Variants in RBM15 observed in about 807,000 individuals in gnomAD.
The protein encoded by RBM15 is RNA-binding protein 15.
In RBM15, 8 loss-of-function variants were observed where a neutral mutation model predicts 62.6. That is an observed-to-expected ratio of 0.13 (90% CI 0.07 to 0.23). RBM15 has a LOEUF of 0.23. RBM15 is among the 10% of genes least tolerant of loss of function. The pLI, the probability that RBM15 is intolerant of heterozygous loss-of-function variation, is 1.00. For synonymous variants in RBM15, 606 were observed against 505.7 expected (o/e 1.20, Z -2.66); for missense variants, 1,144 against 1,286.5 (o/e 0.89, Z 1.69).
Position 110,340,458 on chromosome 1 carries a change from T to G in RBM15, c.1053T>G (p.Ala351=), listed in dbSNP as rs368197518. The G allele has an allele frequency of 3.1e-6, 5 of 1,614,154 alleles. No homozygotes were observed. In the African/African-American group the frequency reaches 4.0e-5, roughly 13 times the overall value. Residue 351 remains alanine (A), a synonymous_variant, in exon 1 of 3, where the codon GCT becomes GCG. Coordinates refer to ENST00000369784, the MANE Select transcript of RBM15 (RefSeq NM_022768.5). This position sits in a 1 kb window ranked among gnomAD's most constrained non-coding sequence, Gnocchi z 5.8. ...PAYSLEPRVG[A]GAGAAPFREV... ...ACAGTCTTGAGCCAAGGGTGGGAGC[T>G]GGAGCAGGTGCTGCTCCTTTCAGAG...
Position 110,340,678 on chromosome 1 carries a change from G to C in RBM15, c.1273G>C (p.Asp425His). Residue 425 changes from aspartate to histidine, a missense_variant, in exon 1 of 3, where the codon GAT (aspartate) becomes CAT (histidine). This residue lies in a region of RBM15 where 105 missense variants were observed against 193.6 expected (regional missense o/e 0.54). Coordinates refer to ENST00000369784, the MANE Select transcript of RBM15 (RefSeq NM_022768.5). This position sits in a 1 kb window ranked among gnomAD's most constrained non-coding sequence, Gnocchi z 5.8. ...CGGCTTTCTCAAATTTGAGAACTTA[G>C]ATATGTCTCACCGGGCCAAATTAGC... ...TYGFLKFENL[D>H]MSHRAKLAMS... is the part of the protein sequence containing the mutation. 1 of 1,614,196 alleles carries C rather than the reference G, an allele frequency of 6.2e-7. No individual in the cohort carries two copies.
chr1:110,341,696 A>C lies in RBM15; in HGVS notation c.2291A>C (p.Lys764Thr). 6.2e-7 allele frequency: 1 copy of C among 1,614,200 alleles called. No homozygotes were observed. Among genetic ancestry groups the C allele is most frequent in the Non-Finnish European group, 8.5e-7 (1 of 1,180,032 alleles). ...PSTSTASSKLKSPSQKQDGGT... is the reference protein window; with the variant it reads ...PSTSTASSKLTSPSQKQDGGT... ...ACCAGCACTGCTTCCTCCAAGCTGA[A>C]GTCCCCGTCCCAGAAACAGGATGGG... is the stretch of plus-strand genomic sequence containing the variant. The change falls in exon 1 of 3, where the codon AAG becomes ACG. Residue 764 changes from lysine (K) to threonine (T), a missense_variant. Lys to Thr is a moderately conservative substitution (Grantham distance 78). This residue lies in a region of RBM15 where 360 missense variants were observed against 342.9 expected (regional missense o/e 1.05). Transcript: ENST00000369784. This position sits in a 1 kb window ranked among gnomAD's most constrained non-coding sequence, Gnocchi z 4.5.
At chr1:110,346,276 C>CTG (rs1660895437) in intron 2 of RBM15, 32 bp from the exon 3 acceptor site, 2 of 1,591,762 alleles carry the variant, frequency 1.3e-6, no homozygotes. Context: ...AACATTTGTA[C>CTG]TGAATAACCT....
At chr1:110,343,703 G>A (rs1409696583) in intron 1 of RBM15, among the ~76,000 whole-genome samples, 2 of 151,898 alleles carry the variant, frequency 1.3e-5, no homozygotes, top group African/African-American at 2.4e-5. Flanking sequence ...TAAGGCCCTT[G>A]ATATTTAATT....
At chr1:110,343,517 G>GT (rs567393457) in intron 1 of RBM15, among the ~76,000 whole-genome samples, 2,962 of 119,302 alleles carry the variant, frequency 0.025, 57 homozygotes, top group South Asian at 0.093. Flanking sequence ...TAGCCTCACA[G>GT]TTTTTTTTTT....
In RBM15 at chr1:110,341,577, A is replaced by G. The variant is rs745654479; in HGVS notation, c.2172A>G (p.Ser724=). 6.2e-7 allele frequency: 1 copy of G among 1,614,140 alleles called. No homozygotes were observed. Among genetic ancestry groups the G allele is most frequent in the South Asian group, 1.1e-5 (1 of 91,090 alleles). ...AGCGAGACCGTAAAAACTCTGCATCAGCTGAACGAGATAGGAAGCACCGGA... is the reference window on the plus strand; with the variant it reads ...AGCGAGACCGTAAAAACTCTGCATCGGCTGAACGAGATAGGAAGCACCGGA... ...GDKRDRKNSA[S]AERDRKHRTT... The change falls in exon 1 of 3, where the codon TCA becomes TCG. Residue 724 remains serine, a synonymous_variant. Transcript: ENST00000369784. This position sits in a 1 kb window ranked among gnomAD's most constrained non-coding sequence, Gnocchi z 4.5.
In RBM15 at chr1:110,340,552, A is replaced by G; in HGVS notation, c.1147A>G (p.Ile383Val). 6.2e-7 allele frequency: 1 copy of G among 1,614,192 alleles called. No individual in the cohort carries two copies. The highest frequency in any genetic ancestry group is 8.5e-7 in the Non-Finnish European group (1 of 1,180,034). Residue 383 changes from isoleucine to valine, a missense_variant, in exon 1 of 3, where the codon ATC becomes GTC. Transcript: ENST00000369784. The surrounding 1 kb of genome is among the most constrained non-coding windows in gnomAD (Gnocchi z 5.8). ...NRTLFLGNLD[I>V]TVTESDLRRA... ...GACGCTCTTCTTGGGCAACCTAGAC[A>G]TCACTGTAACGGAGAGTGATTTAAG... is the stretch of plus-strand genomic sequence containing the variant.
rs1018995022 is a variant in RBM15 at position 110,341,318 on chromosome 1, A to G, written c.1913A>G (p.Gln638Arg). Residue 638 changes from glutamine to arginine, a missense_variant, in exon 1 of 3, where the codon CAG becomes CGG. This residue lies in a region of RBM15 where 360 missense variants were observed against 342.9 expected (regional missense o/e 1.05). Coordinates refer to ENST00000369784, the MANE Select transcript of RBM15 (RefSeq NM_022768.5). This position sits in a 1 kb window ranked among gnomAD's most constrained non-coding sequence, Gnocchi z 4.5. ...CGAGATCTGCCCAGCAGCAGAGACC[A>G]GCCTAGGAAGCGAAGGCTGCCTGAG... is the stretch of plus-strand genomic sequence containing the variant. The part of the protein sequence containing the change: ...GDRDLPSSRD[Q>R]PRKRRLPEES... 12 of 1,614,164 alleles carry G rather than the reference A, an allele frequency of 7.4e-6. No individual in the cohort carries two copies. The highest frequency in any genetic ancestry group is 1.0e-5 in the Non-Finnish European group (12 of 1,180,022).
chr1:110,341,084 C>T lies in RBM15; in HGVS notation c.1679C>T (p.Pro560Leu), dbSNP rs755626392. Residue 560 changes from proline to leucine, a missense_variant, in exon 1 of 3, where the codon CCT becomes CTT. Physicochemically the swap from Pro to Leu is moderately conservative, Grantham distance 98 (BLOSUM62 -3). Around this residue, in one of 8 missense-constraint regions of RBM15, gnomAD observed 360 missense variants for 342.9 expected, o/e 1.05. Coordinates refer to ENST00000369784, the MANE Select transcript of RBM15 (RefSeq NM_022768.5). This position sits in a 1 kb window ranked among gnomAD's most constrained non-coding sequence, Gnocchi z 4.5. ...GCTTTTGGACATCGGGCACCAGACC[C>T]TTTGAGGGGTGCTCGGGATAGGACA... Reference protein sequence around the residue: ...TDAFGHRAPDPLRGARDRTPP... With the variant: ...TDAFGHRAPDLLRGARDRTPP... 30 of 1,614,050 alleles carry T rather than the reference C, an allele frequency of 1.9e-5. No individual in the cohort carries two copies. Among genetic ancestry groups the T allele is most frequent in the African/African-American group, 9.3e-5 (7 of 74,916 alleles).
chr1:110,340,270 G>A lies in RBM15; in HGVS notation c.865G>A (p.Gly289Ser). Residue 289 changes from glycine (G) to serine (S), a missense_variant, in exon 1 of 3, where the codon GGC (glycine) becomes AGC (serine). By Grantham distance (56) the Gly-to-Ser change is moderately conservative. Around this residue, in one of 8 missense-constraint regions of RBM15, gnomAD observed 188 missense variants for 185.6 expected, o/e 1.01. Coordinates refer to ENST00000369784, the MANE Select transcript of RBM15 (RefSeq NM_022768.5). The surrounding 1 kb of genome is among the most constrained non-coding windows in gnomAD (Gnocchi z 5.8). ...CCGGCACCCCCCTGGAGGTGGTGGA[G>A]GCCAGAGATCACTTTCCCCTGGTGG... Reference protein sequence around the residue: ...GHRHPPGGGGGQRSLSPGGAA... With the variant: ...GHRHPPGGGGSQRSLSPGGAA... 1 of 1,614,246 alleles carries A rather than the reference G, an allele frequency of 6.2e-7. No individual in the cohort carries two copies. Among genetic ancestry groups the A allele is most frequent in the Non-Finnish European group, 8.5e-7 (1 of 1,180,044 alleles).
Position 110,341,172 on chromosome 1 carries a change from C to G in RBM15, c.1767C>G (p.Pro589=). 1 of 1,614,068 alleles carries G rather than the reference C, an allele frequency of 6.2e-7. No homozygotes were observed. The highest frequency in any genetic ancestry group is 8.5e-7 in the Non-Finnish European group (1 of 1,179,968). The part of the protein sequence containing the change: ...DLYPDSDWVP[P]PPPVRERSTR... ...ATCCTGACTCTGATTGGGTGCCACC[C>G]CCACCCCCAGTCCGAGAACGCAGCA... The change falls in exon 1 of 3, where the codon CCC becomes CCG. Residue 589 remains proline, a synonymous_variant. Coordinates refer to ENST00000369784, the MANE Select transcript of RBM15 (RefSeq NM_022768.5). This position sits in a 1 kb window ranked among gnomAD's most constrained non-coding sequence, Gnocchi z 4.5.
chr1:110,342,372 T>C, intron 1 of RBM15, 104 bp downstream of exon 1: 1 of 842,042 alleles, frequency 1.2e-6, no homozygotes, highest in Non-Finnish European at 1.8e-6. Context: ...TTCTTTTTAG[T>C]TGTTAGTTGT....
Position 110,342,112 on chromosome 1 carries a change from G to A in RBM15, c.2707G>A (p.Val903Met). ...TTTAAAGCAAAAGCAGGCAGCCGGG[G>A]TGATCAGCCTCCCTGTGGGGGGCAA... Reference protein sequence around the residue: ...SYLKQKQAAGVISLPVGGNKD... With the variant: ...SYLKQKQAAGMISLPVGGNKD... Residue 903 changes from valine to methionine, a missense_variant, in exon 1 of 3, where the codon GTG becomes ATG. Around this residue, in one of 8 missense-constraint regions of RBM15, gnomAD observed 144 missense variants for 223.3 expected, o/e 0.64. Coordinates refer to ENST00000369784, the MANE Select transcript of RBM15 (RefSeq NM_022768.5). 6.2e-7 allele frequency: 1 copy of A among 1,614,158 alleles called. No individual in the cohort carries two copies. The highest frequency in any genetic ancestry group is 8.5e-7 in the Non-Finnish European group (1 of 1,179,984).
In RBM15 at chr1:110,341,844, T is replaced by C. The variant is rs749633564; in HGVS notation, c.2439T>C (p.Ala813=). ...TGTTGCAGGGTGACCTCCAAGTGGC[T>C]AGTAGTCTTCTTGTGGAGGGTTCAA... ...MHLLQGDLQV[A]SSLLVEGSTG... is the part of the protein sequence containing the mutation. Residue 813 remains alanine (A), a synonymous_variant, in exon 1 of 3, where the codon GCT becomes GCC. Coordinates refer to ENST00000369784, the MANE Select transcript of RBM15 (RefSeq NM_022768.5). The surrounding 1 kb of genome is among the most constrained non-coding windows in gnomAD (Gnocchi z 4.5). 1 of 1,614,220 alleles carries C rather than the reference T, an allele frequency of 6.2e-7. No homozygotes were observed. Among genetic ancestry groups the C allele is most frequent in the Non-Finnish European group, 8.5e-7 (1 of 1,180,030 alleles).
chr1:110,343,495 G>T (rs1004891926), intron 1 of RBM15, among the ~76,000 whole-genome samples: 1 of 150,764 alleles, frequency 6.6e-6, no homozygotes, highest in Non-Finnish European at 1.5e-5. Flanking sequence ...ATTAATACAG[G>T]ATCATTTAAC....
chr1:110,343,517 G>GTT (rs567393457), intron 1 of RBM15, among the ~76,000 whole-genome samples: 6 of 119,590 alleles, frequency 5.0e-5, no homozygotes, highest in Non-Finnish European at 1.1e-4. Flanking sequence ...TAGCCTCACA[G>GTT]TTTTTTTTTT....
rs1660898753 is a variant in RBM15, at chr1:110,346,381, C to T, written c.*114C>T. 6.3e-7 allele frequency: 1 copy of T among 1,592,390 alleles called. No individual in the cohort carries two copies. The highest frequency in any genetic ancestry group is 1.3e-5 in the African/African-American group (1 of 74,658). On this transcript the variant is annotated 3_prime_UTR_variant, in exon 3 of 3. Transcript: ENST00000369784. Reference sequence around the variant, plus strand: ...GGACCTTTTTGAAGAGAAGTTGTGGCTTATGTGGAGTTTACATGGGCCTCT... The same window carrying T: ...GGACCTTTTTGAAGAGAAGTTGTGGTTTATGTGGAGTTTACATGGGCCTCT...
At position 110,340,427 on chromosome 1, in the gene RBM15, C is replaced by G. The variant is rs1421880964; in HGVS notation, c.1022C>G (p.Pro341Arg). 6.2e-7 allele frequency: 1 copy of G among 1,614,078 alleles called. No individual in the cohort carries two copies. The highest frequency in any genetic ancestry group is 8.5e-7 in the Non-Finnish European group (1 of 1,180,044). The change falls in exon 1 of 3, where the codon CCT becomes CGT. Residue 341 changes from proline (P) to arginine (R), a missense_variant. By Grantham distance (103) the Pro-to-Arg change is moderately radical. Coordinates refer to ENST00000369784, the MANE Select transcript of RBM15 (RefSeq NM_022768.5). This position sits in a 1 kb window ranked among gnomAD's most constrained non-coding sequence, Gnocchi z 5.8. The stretch of plus-strand genomic sequence containing the variant: ...TACCCGTTCTATGAGAGAGTGCGCC[C>G]TGCATACAGTCTTGAGCCAAGGGTG... ...RDYPFYERVR[P>R]AYSLEPRVGA... is the part of the protein sequence containing the mutation.
chr1:110,346,285 CT>C lies in RBM15; in HGVS notation c.*41-16del, dbSNP rs199676923. On this transcript the variant is annotated intron_variant, in intron 2 of 2. Transcript: ENST00000369784. ...ATTGTAAACATTTGTACTGAATAAC[CT>C]TTTTTTCCCCCCCTCCGCAAGCAAA... is the stretch of plus-strand genomic sequence containing the variant. The C allele has an allele frequency of 1.1e-3, 1,761 of 1,596,276 alleles. 9 individuals are homozygous for C. Among genetic ancestry groups the C allele is most frequent in the African/African-American group, 0.01 (762 of 74,888 alleles).
Sources: gnomAD v4.1 joint callset for allele counts (sites outside exome capture counted in the v4.1 genomes callset) on GRCh38, gnomAD v4.1.1 for gene constraint, gnomAD v4.1.1 regional missense constraint, Gnocchi (gnomAD v3.1) non-coding constraint, MANE v1.5 for transcripts, NCBI Gene and HGNC (gene_info 2026-07-23, HGNC 2026-07-21) for gene names.